Variants in ANO4 observed in about 807,000 individuals in gnomAD.
The protein encoded by ANO4 is anoctamin-4.
Under a neutral mutation model 141.9 loss-of-function variants are expected in ANO4, and 69 were observed. The observed-to-expected ratio is 0.49, with a 90% confidence interval of 0.40 to 0.59. The LOEUF (loss-of-function observed/expected upper bound fraction) is 0.59. Ranked by LOEUF, ANO4 falls within the 20% of genes least tolerant of loss-of-function variation. The probability of loss-of-function intolerance (pLI) is 0.00; values close to 1 mark genes in which losing one functional copy is unlikely to be tolerated. For synonymous variants in ANO4, 350 were observed against 394.3 expected (o/e 0.89, Z 1.33); for missense variants, 894 against 1,162.2 (o/e 0.77, Z 3.36).
At chr12:100,847,055 A>C (rs1435083213) in intron 1 of ANO4, among the ~76,000 whole-genome samples, 1 of 152,122 alleles carries the variant, frequency 6.6e-6, no homozygotes, top group Non-Finnish European at 1.5e-5. Flanking sequence ...GTGTTCCCTT[A>C]GCATCCTGGG....
chr12:100,980,206 C>A (rs761061477), intron 7 of ANO4, among the ~76,000 whole-genome samples: 3 of 152,176 alleles, frequency 2.0e-5, no homozygotes, highest in Non-Finnish European at 2.9e-5. Flanking sequence ...GAAATCCCAA[C>A]GAAGGTAGTT....
intron 3 of ANO4, among the ~76,000 whole-genome samples, chr12:100,923,718 T>A (rs2136110023): frequency 6.6e-6 from 1 of 152,292 alleles, no homozygotes; most frequent in Non-Finnish European, 1.5e-5. Context: ...CTACACTGTC[T>A]TCCACAATTG....
intron 1 of ANO4, among the ~76,000 whole-genome samples, chr12:100,832,740 A>G (rs1056733998): frequency 1.3e-5 from 2 of 152,056 alleles, no homozygotes; most frequent in African/African-American, 2.4e-5. Context: ...TCCTCTCAAG[A>G]TCTGTGGAAC....
At chr12:100,852,160 AC>A (rs1024109880) in intron 1 of ANO4, among the ~76,000 whole-genome samples, 2 of 152,232 alleles carry the variant, frequency 1.3e-5, no homozygotes, top group African/African-American at 2.4e-5. Context: ...ATGTCCAGGC[AC>A]AGGGATCCTA....
At chr12:100,729,360 CAAAA>C (rs1156522144) in intron 1 of ANO4, among the ~76,000 whole-genome samples, 8 of 22,574 alleles carry the variant, frequency 3.5e-4, no homozygotes, top group East Asian at 2.2e-3. Context: ...AACTCTGTCT[CAAAA>C]AAAAAAAAAA....
intron 1 of ANO4, among the ~76,000 whole-genome samples, chr12:100,879,604 G>A (rs903363397): frequency 1.6e-4 from 24 of 152,194 alleles, no homozygotes; most frequent in South Asian, 6.2e-4. Context: ...ATACACAGAC[G>A]TTTTTGCCAA....
At chr12:100,846,632 C>G (rs1393748597) in intron 1 of ANO4, among the ~76,000 whole-genome samples, 1 of 152,096 alleles carries the variant, frequency 6.6e-6, no homozygotes, top group Non-Finnish European at 1.5e-5. Context: ...TTTTTATGCT[C>G]TAGAGCTAAT....
chr12:101,048,246 A>G lies in ANO4; in HGVS notation c.1252-95A>G, dbSNP rs1442720950. The G allele has an allele frequency of 4.4e-6, 6 of 1,376,730 alleles. No homozygotes were observed. The African/African-American group carries it at 7.2e-5, about 17-fold the overall frequency. 85.3% of individuals were successfully genotyped at this position (1,376,730 alleles called of 1,614,324 possible). On this transcript the variant is annotated intron_variant, in intron 13 of 27. Coordinates refer to ENST00000392977, the MANE Select transcript of ANO4 (RefSeq NM_001286615.2). ...CAAAACAAAGCCTGTAAAACTCATT[A>G]TATAATCACAGCTATTTTTACAGAA... is the stretch of plus-strand genomic sequence containing the variant.
intron 3 of ANO4, among the ~76,000 whole-genome samples, chr12:100,756,257 CCA>C (rs2032606577): frequency 6.6e-6 from 1 of 152,154 alleles, no homozygotes; most frequent in African/African-American, 2.4e-5. Context: ...TCCTGAAATG[CCA>C]CTTTACTTTG....
chr12:100,975,900 A>G (rs920920811), intron 7 of ANO4, among the ~76,000 whole-genome samples: 15 of 140,028 alleles, frequency 1.1e-4, no homozygotes, highest in African/African-American at 3.8e-4. Flanking sequence ...GTATAGCCTC[A>G]CTCAGGTGCC....
At chr12:100,839,587 T>C (rs2037129826) in intron 1 of ANO4, among the ~76,000 whole-genome samples, 1 of 152,162 alleles carries the variant, frequency 6.6e-6, no homozygotes, top group Admixed American at 6.5e-5. Context: ...CAATGGGGTA[T>C]CTTACAATCA....
At chr12:101,001,744 GC>G in intron 8 of ANO4, among the ~76,000 whole-genome samples, 1 of 152,290 alleles carries the variant, frequency 6.6e-6, no homozygotes, top group African/African-American at 2.4e-5. Context: ...ACCCTGAGCA[GC>G]TGGGGGAGGG....
chr12:101,035,936 C>T (rs1320473627), intron 9 of ANO4, among the ~76,000 whole-genome samples: 2 of 152,066 alleles, frequency 1.3e-5, no homozygotes, highest in South Asian at 4.1e-4. Context: ...ATAATTACAC[C>T]AAATCCCCCA....
At chr12:100,996,340 A>G (rs1157519656) in intron 8 of ANO4, among the ~76,000 whole-genome samples, 1 of 152,198 alleles carries the variant, frequency 6.6e-6, no homozygotes, top group Admixed American at 6.5e-5. Flanking sequence ...CCTAAGAAAA[A>G]GCGCTAACAA....
chr12:100,980,155 T>C (rs969775441), intron 7 of ANO4, among the ~76,000 whole-genome samples: 1 of 152,160 alleles, frequency 6.6e-6, no homozygotes, highest in Non-Finnish European at 1.5e-5. Context: ...ATTTAGGCAT[T>C]GGAAGGTACT....
At chr12:101,092,081 C>T (rs1462565688) in intron 17 of ANO4, among the ~76,000 whole-genome samples, 1 of 152,028 alleles carries the variant, frequency 6.6e-6, no homozygotes, top group African/African-American at 2.4e-5. Context: ...CGAAAAACAT[C>T]CCAATATGGT....
chr12:100,866,127 G>T (rs1366617752), intron 1 of ANO4, among the ~76,000 whole-genome samples: 1 of 152,140 alleles, frequency 6.6e-6, no homozygotes, highest in East Asian at 1.9e-4. Flanking sequence ...AGGGGAAGTG[G>T]ATGTTATCCA....
chr12:100,810,210 GGGGA>G (rs2035322054), intron 1 of ANO4, among the ~76,000 whole-genome samples: 1 of 151,972 alleles, frequency 6.6e-6, no homozygotes, highest in African/African-American at 2.4e-5. Flanking sequence ...GACATGAGCT[GGGGA>G]GGGAGGGAGG....
At chr12:101,117,086 C>T (rs560554769) in intron 25 of ANO4, among the ~76,000 whole-genome samples, 13 of 152,284 alleles carry the variant, frequency 8.5e-5, no homozygotes, top group East Asian at 7.7e-4. Flanking sequence ...AAGGTTATAC[C>T]GCTGCTCCAG....
Sources: allele counts gnomAD v4.1 joint callset (sites outside exome capture counted in the v4.1 genomes callset), GRCh38; gene constraint gnomAD v4.1.1; transcripts MANE v1.5; gene names NCBI Gene and HGNC (gene_info 2026-07-23, HGNC 2026-07-21).